ARFGEF3: variants seen among roughly 807,000 people sequenced by gnomAD.
The protein encoded by ARFGEF3 is ARFGEF family member 3.
In ARFGEF3, 96 loss-of-function variants were observed where a neutral mutation model predicts 221.7. The ratio of observed to expected loss-of-function variants is 0.43; its 90% CI spans 0.37 to 0.51. The LOEUF is 0.51. Ranked by LOEUF, ARFGEF3 falls within the 20% of genes least tolerant of loss-of-function variation. ARFGEF3 has a pLI of 0.00. For synonymous variants in ARFGEF3, 1,145 were observed against 1,126.8 expected, an observed-to-expected ratio of 1.02 and a Z score of -0.32; for missense variants, 2,410 against 2,789.9, an observed-to-expected ratio of 0.86 and a Z score of 3.07.
Position 138,286,859 on chromosome 6 carries a change from G to A in ARFGEF3, c.2728G>A (p.Ala910Thr), listed in dbSNP as rs749840941. 1.4e-5 allele frequency: 23 copies of A among 1,613,756 alleles called. No homozygotes were observed. In the East Asian group the frequency reaches 2.2e-4, roughly 16 times the overall value. The change falls in exon 16 of 34, where the codon GCC becomes ACC. Residue 910 changes from alanine to threonine, a missense_variant. Coordinates refer to ENST00000251691, the MANE Select transcript of ARFGEF3 (RefSeq NM_020340.5). Reference sequence around the variant, plus strand: ...AGAGCAGAACCAGAAGGAGCGGGACGCCATCTGCATGAGCCTCGACGGGCT... The same window carrying A: ...AGAGCAGAACCAGAAGGAGCGGGACACCATCTGCATGAGCCTCGACGGGCT... Reference protein sequence around the residue: ...IKEQNQKERDAICMSLDGLRK... With the variant: ...IKEQNQKERDTICMSLDGLRK...
At chr6:138,198,621 A>G (rs1349191021) in intron 2 of ARFGEF3, among the ~76,000 whole-genome samples, 1 of 152,226 alleles carries the variant, frequency 6.6e-6, no homozygotes, top group Non-Finnish European at 1.5e-5. Context: ...TTCATATGCA[A>G]ATTAGGAAAC....
chr6:138,203,557 A>C (rs1202923521), intron 2 of ARFGEF3, among the ~76,000 whole-genome samples: 1 of 152,190 alleles, frequency 6.6e-6, no homozygotes, highest in East Asian at 1.9e-4. Context: ...TATTGAATGG[A>C]TGATCGGATG....
chr6:138,231,685 AAAG>A (rs1183685285), intron 5 of ARFGEF3, among the ~76,000 whole-genome samples: 1 of 152,248 alleles, frequency 6.6e-6, no homozygotes, highest in African/African-American at 2.4e-5. Context: ...GTGGAAATGT[AAAG>A]AAGGAATCTA....
chr6:138,279,072 G>A (rs560539727), intron 13 of ARFGEF3, among the ~76,000 whole-genome samples: 4 of 152,268 alleles, frequency 2.6e-5, no homozygotes, highest in African/African-American at 9.6e-5. Flanking sequence ...GTGCAGTGGT[G>A]TGAGCATGGC....
intron 2 of ARFGEF3, among the ~76,000 whole-genome samples, chr6:138,187,544 C>T (rs1360335080): frequency 1.3e-5 from 2 of 152,214 alleles, no homozygotes; most frequent in African/African-American, 4.8e-5. Flanking sequence ...GGGTAGCGCC[C>T]AGCCTGCATA....
chr6:138,255,728 C>T lies in ARFGEF3; in HGVS notation c.1063C>T (p.Pro355Ser). Reference protein sequence around the residue: ...SLYHRVLLYPPPQHRVEAIKI... With the variant: ...SLYHRVLLYPSPQHRVEAIKI... ...CTACCACCGAGTGCTGCTCTACCCC[C>T]CACCCCAGCACCGGGTGGAAGCCAT... Residue 355 changes from proline to serine, a missense_variant, in exon 10 of 34, where the codon CCA becomes TCA. Physicochemically the swap from Pro to Ser is moderately conservative, Grantham distance 74. Around this residue, in one of 5 missense-constraint regions of ARFGEF3, gnomAD observed 570 missense variants for 586.9 expected, o/e 0.97. Coordinates refer to ENST00000251691, the MANE Select transcript of ARFGEF3 (RefSeq NM_020340.5). 1 of 1,602,202 alleles carries T rather than the reference C, an allele frequency of 6.2e-7. No individual in the cohort carries two copies. Among genetic ancestry groups the T allele is most frequent in the Non-Finnish European group, 8.5e-7 (1 of 1,171,740 alleles).
chr6:138,194,809 T>C (rs957926217), intron 2 of ARFGEF3, among the ~76,000 whole-genome samples: 1 of 151,902 alleles, frequency 6.6e-6, no homozygotes, highest in African/African-American at 2.4e-5. Context: ...CAGTTATTGA[T>C]AAATTGGAAA....
At chr6:138,239,561 A>G (rs896504844) in intron 6 of ARFGEF3, among the ~76,000 whole-genome samples, 6 of 151,704 alleles carry the variant, frequency 4.0e-5, no homozygotes, top group Admixed American at 3.3e-4. Flanking sequence ...AGGCAGGAGA[A>G]TCGCTTGAAC....
chr6:138,245,440 G>A, intron 7 of ARFGEF3, 73 bp from the exon 8 acceptor site: 1 of 1,009,632 alleles, frequency 9.9e-7, no homozygotes. Flanking sequence ...AGTGGAGGAT[G>A]GGAAGGATGG....
intron 10 of ARFGEF3, 100 bp downstream of exon 10, chr6:138,255,869 G>C: frequency 1.0e-6 from 1 of 1,000,688 alleles, no homozygotes; most frequent in Non-Finnish European, 1.4e-6. Context: ...TCACTTGCCG[G>C]AACTTCATTA....
chr6:138,205,463 C>T (rs1390021046), intron 2 of ARFGEF3, among the ~76,000 whole-genome samples: 5 of 152,164 alleles, frequency 3.3e-5, no homozygotes, highest in African/African-American at 1.2e-4. Flanking sequence ...ACCATCTGCC[C>T]TTGGTTCCTA....
intron 33 of ARFGEF3, 93 bp from the exon 34 acceptor site, chr6:138,336,202 A>C: frequency 3.0e-6 from 3 of 1,005,142 alleles, no homozygotes; most frequent in Non-Finnish European, 4.2e-6. Context: ...AAAGCCTGGA[A>C]AAAAACCATT....
At chr6:138,333,143 C>T (rs1410339466) in intron 32 of ARFGEF3, among the ~76,000 whole-genome samples, 3 of 152,162 alleles carry the variant, frequency 2.0e-5, no homozygotes, top group Admixed American at 1.3e-4. Flanking sequence ...AGAAATGAAA[C>T]TGTAAACCAA....
intron 5 of ARFGEF3, among the ~76,000 whole-genome samples, chr6:138,230,492 A>C (rs1190561351): frequency 6.6e-6 from 1 of 152,228 alleles, no homozygotes; most frequent in Non-Finnish European, 1.5e-5. Context: ...TCTTGAAAAG[A>C]ATATCTACAG....
intron 21 of ARFGEF3, 26 bp from the exon 22 acceptor site, chr6:138,298,580 G>A: frequency 6.3e-7 from 1 of 1,599,114 alleles, no homozygotes; most frequent in South Asian, 1.1e-5. Context: ...TCCTGATGGT[G>A]AGCCACTCTC....
intron 7 of ARFGEF3, among the ~76,000 whole-genome samples, chr6:138,244,677 A>C (rs1778453052): frequency 6.6e-6 from 1 of 152,226 alleles, no homozygotes; most frequent in African/African-American, 2.4e-5. Context: ...TGTGCCCTGC[A>C]GATACTCAAC....
intron 2 of ARFGEF3, among the ~76,000 whole-genome samples, chr6:138,198,267 G>A (rs1777468770): frequency 6.6e-6 from 1 of 152,104 alleles, no homozygotes; most frequent in Non-Finnish European, 1.5e-5. Context: ...AACCTTGAAA[G>A]CCTGCAGGAG....
chr6:138,190,683 G>A (rs567292102), intron 2 of ARFGEF3, among the ~76,000 whole-genome samples: 40 of 152,260 alleles, frequency 2.6e-4, no homozygotes, highest in Non-Finnish European at 4.1e-4. Context: ...CTGAGTGTGC[G>A]ATTCGAACAG....
chr6:138,233,757 A>G (rs1191795348), intron 5 of ARFGEF3, among the ~76,000 whole-genome samples: 1 of 152,210 alleles, frequency 6.6e-6, no homozygotes. Context: ...AGGAACAGAT[A>G]GTCTCAGATA....
Sources: allele counts gnomAD v4.1 joint callset (sites outside exome capture counted in the v4.1 genomes callset), GRCh38; gene constraint gnomAD v4.1.1; regional missense constraint gnomAD v4.1.1; transcripts MANE v1.5; gene names NCBI Gene and HGNC (gene_info 2026-07-23, HGNC 2026-07-21).